Variants in ZNF385B observed in about 807,000 individuals in gnomAD.
The protein encoded by ZNF385B is zinc finger protein 533.
ZNF385B carries 23 observed loss-of-function variants against 39.2 expected under a neutral mutation model. The observed-to-expected ratio is 0.59, with a 90% confidence interval of 0.42 to 0.83. The LOEUF (loss-of-function observed/expected upper bound fraction) is 0.83. ZNF385B is among the 40% of genes least tolerant of loss of function. The probability of loss-of-function intolerance (pLI) is 0.00; values close to 1 mark genes in which losing one functional copy is unlikely to be tolerated. For missense variants in ZNF385B, 552 were observed against 598.9 expected, an observed-to-expected ratio of 0.92 and a Z score of 0.82; for synonymous variants, 205 against 222.6, an observed-to-expected ratio of 0.92 and a Z score of 0.70.
chr2:179,737,876 C>T (rs1701863474), intron 3 of ZNF385B, among the ~76,000 whole-genome samples: 2 of 152,258 alleles, frequency 1.3e-5, no homozygotes, highest in South Asian at 4.2e-4. Flanking sequence ...GCTTTGAATG[C>T]CTCAGAAACT....
In ZNF385B at chr2:179,446,762, C is replaced by G; in HGVS notation, c.724G>C (p.Gly242Arg). 2 of 1,610,528 alleles carry G rather than the reference C, an allele frequency of 1.2e-6. No individual in the cohort carries two copies. The highest frequency in any genetic ancestry group is 1.7e-6 in the Non-Finnish European group (2 of 1,178,926). The change falls in exon 7 of 10, where the codon GGG (glycine) becomes CGG (arginine). Residue 242 changes from glycine (G) to arginine (R), a missense_variant. Transcript: ENST00000410066. ...CTGGAACTGCTGGCTTTTAACTTCC[C>G]TTTATCTTCTAAGAGAAACACAGAG... The part of the protein sequence containing the change: ...GNNSDKSEDK[G>R]KLKASSSSQP...
At chr2:179,775,762 T>C (rs1020643515) in intron 1 of ZNF385B, among the ~76,000 whole-genome samples, 12 of 152,220 alleles carry the variant, frequency 7.9e-5, no homozygotes, top group Non-Finnish European at 7.3e-5. Context: ...AGGTAAAGCA[T>C]AGACTCTATT....
chr2:179,790,566 A>G (rs1705264966), intron 1 of ZNF385B, among the ~76,000 whole-genome samples: 1 of 152,168 alleles, frequency 6.6e-6, no homozygotes, highest in Non-Finnish European at 1.5e-5. Flanking sequence ...TAGTTATCCA[A>G]TAGTGTCTCT....
intron 3 of ZNF385B, among the ~76,000 whole-genome samples, chr2:179,685,986 G>A (rs2106333838): frequency 6.6e-6 from 1 of 152,314 alleles, no homozygotes; most frequent in Non-Finnish European, 1.5e-5. Flanking sequence ...TGGGAAGGGA[G>A]TGGAGACCAC....
At position 179,674,829 on chromosome 2, in the gene ZNF385B, C is replaced by T. The variant is rs866217126; in HGVS notation, c.298+94674G>A. Among the ~76,000 whole-genome samples, 26 of 152,314 alleles carry T rather than the reference C, an allele frequency of 1.7e-4. No individual in the cohort carries two copies. In the Middle Eastern group the frequency reaches 0.01, roughly 60 times the overall value. Reference sequence around the variant, plus strand: ...GGGAAAACTGAATAGAGGGACAGGGCTCACAGGTAGGGAGAAAGCCTTATA... The same window carrying T: ...GGGAAAACTGAATAGAGGGACAGGGTTCACAGGTAGGGAGAAAGCCTTATA... On this transcript the variant is annotated intron_variant, in intron 3 of 9. Transcript: ENST00000410066.
chr2:179,471,730 A>G (rs2052795543), intron 6 of ZNF385B, among the ~76,000 whole-genome samples: 1 of 152,192 alleles, frequency 6.6e-6, no homozygotes, highest in Non-Finnish European at 1.5e-5. Flanking sequence ...ATTTCAATAG[A>G]ATTCATTTTC....
chr2:179,694,982 AGGAGG>A (rs1559098837), intron 3 of ZNF385B, among the ~76,000 whole-genome samples: 13 of 151,818 alleles, frequency 8.6e-5, no homozygotes, highest in African/African-American at 2.7e-4. Context: ...GAGGAGGAGG[AGGAGG>A]AGAAGAAAAA....
At chr2:179,759,844 G>A (rs188172304) in intron 3 of ZNF385B, among the ~76,000 whole-genome samples, 509 of 152,058 alleles carry the variant, frequency 3.3e-3, no homozygotes, top group Non-Finnish European at 5.9e-3. Flanking sequence ...TAGGAACTTG[G>A]TAATATTTAA....
chr2:179,468,771 T>C (rs558311538), intron 6 of ZNF385B, among the ~76,000 whole-genome samples: 10 of 152,228 alleles, frequency 6.6e-5, no homozygotes, highest in African/African-American at 2.4e-4. Flanking sequence ...AACTGAGTCT[T>C]TCTTCATCTA....
intron 1 of ZNF385B, among the ~76,000 whole-genome samples, chr2:179,837,654 A>C (rs1281259551): frequency 1.3e-5 from 2 of 152,208 alleles, no homozygotes; most frequent in African/African-American, 4.8e-5. Context: ...AGGTATTTTG[A>C]GGGTATTCGA....
chr2:179,579,399 A>G (rs1686223714), intron 3 of ZNF385B, among the ~76,000 whole-genome samples: 1 of 152,102 alleles, frequency 6.6e-6, no homozygotes, highest in Non-Finnish European at 1.5e-5. Flanking sequence ...CTAAAACTAG[A>G]TAACTAAATG....
Position 179,563,906 on chromosome 2 carries a change from AT to A in ZNF385B, c.299-18938del, listed in dbSNP as rs577610903. Among the ~76,000 whole-genome samples, 17 of 152,188 alleles carry A rather than the reference AT, an allele frequency of 1.1e-4. No homozygotes were observed. In the South Asian group the frequency reaches 3.5e-3, roughly 32 times the overall value. On this transcript the variant is annotated intron_variant, in intron 3 of 9. Transcript: ENST00000410066. ...TTTTTCTTTCATGAAGAAGTGTTTCATTCTTTCTTACCTGCTGTTGAATCAT... is the reference window on the plus strand; with the variant it reads ...TTTTTCTTTCATGAAGAAGTGTTTCATCTTTCTTACCTGCTGTTGAATCAT...
In ZNF385B at chr2:179,600,798, T is replaced by C. The variant is rs1344048001; in HGVS notation, c.299-55829A>G. 3.3e-5 allele frequency among the ~76,000 whole-genome samples: 5 copies of C among 152,310 alleles called. 1 individual carries two copies. In the South Asian group the frequency reaches 1.0e-3, roughly 32 times the overall value. On this transcript the variant is annotated intron_variant, in intron 3 of 9. Transcript: ENST00000410066. ...GAAGACAAGAACCAACCCCGTGTTA[T>C]TTACTTTTCTTCCTCCATTACAGAG...
At chr2:179,492,280 T>C (rs1341757665) in intron 5 of ZNF385B, among the ~76,000 whole-genome samples, 1 of 152,166 alleles carries the variant, frequency 6.6e-6, no homozygotes, top group Non-Finnish European at 1.5e-5. Context: ...CAGACTGCCA[T>C]TGTGTGCTTC....
chr2:179,574,307 C>T (rs757688314), intron 3 of ZNF385B, among the ~76,000 whole-genome samples: 1 of 152,112 alleles, frequency 6.6e-6, no homozygotes, highest in South Asian at 2.1e-4. Context: ...GAGTATTGTA[C>T]TTGCTCAGAA....
Position 179,582,795 on chromosome 2 carries a change from A to G in ZNF385B, c.299-37826T>C, listed in dbSNP as rs554156293. ...TATACTCCTTACCTCATTTCTGCTA[A>G]TGTCAACATCTTATGTTATCATGGT... On this transcript the variant is annotated intron_variant, in intron 3 of 9. Coordinates refer to ENST00000410066, the MANE Select transcript of ZNF385B (RefSeq NM_152520.6). Among the ~76,000 whole-genome samples, 7 of 152,358 alleles carry G rather than the reference A, an allele frequency of 4.6e-5. No homozygotes were observed. The South Asian group carries it at 1.4e-3, about 32-fold the overall frequency.
intron 6 of ZNF385B, among the ~76,000 whole-genome samples, chr2:179,479,577 T>A (rs1245728654): frequency 6.6e-6 from 1 of 152,110 alleles, no homozygotes; most frequent in Admixed American, 6.6e-5. Context: ...CAGTAGCACA[T>A]ACCTGTAATC....
intron 1 of ZNF385B, among the ~76,000 whole-genome samples, chr2:179,801,542 C>G (rs1175827058): frequency 6.6e-6 from 1 of 152,146 alleles, no homozygotes; most frequent in African/African-American, 2.4e-5. Flanking sequence ...TACATAACTT[C>G]TAGCATTTTA....
chr2:179,852,251 C>T (rs1156264835), intron 1 of ZNF385B, among the ~76,000 whole-genome samples: 1 of 152,168 alleles, frequency 6.6e-6, no homozygotes, highest in Non-Finnish European at 1.5e-5. Flanking sequence ...GAATAAATTG[C>T]TTTTCCTAGG....
Sources: allele counts gnomAD v4.1 joint callset (sites outside exome capture counted in the v4.1 genomes callset), GRCh38; gene constraint gnomAD v4.1.1; transcripts MANE v1.5; gene names NCBI Gene and HGNC (gene_info 2026-07-23, HGNC 2026-07-21).